KLF15: variants seen among roughly 807,000 people sequenced by gnomAD.
KLF15 encodes KLF transcription factor 15.
Under a neutral mutation model 24.6 loss-of-function variants are expected in KLF15, and 4 were observed. That is an observed-to-expected ratio of 0.16 (90% CI 0.08 to 0.37). KLF15 has a LOEUF of 0.37. Ranked by LOEUF, KLF15 falls within the 10% of genes least tolerant of loss-of-function variation. The probability of loss-of-function intolerance (pLI) is 1.00; values close to 1 mark genes in which losing one functional copy is unlikely to be tolerated. For synonymous variants in KLF15, 246 were observed against 236.3 expected, an observed-to-expected ratio of 1.04 and a Z score of -0.37; for missense variants, 496 against 560.6, an observed-to-expected ratio of 0.88 and a Z score of 1.16.
chr3:126,294,816 C>T, the KLF15 span, among the ~76,000 whole-genome samples: 1 of 151,880 alleles, frequency 6.6e-6, no homozygotes, highest in African/African-American at 2.4e-5. Context: ...CTGTCAGAGC[C>T]TCTCTACTTC....
chr3:126,323,308 T>C, the KLF15 span, among the ~76,000 whole-genome samples: 3 of 146,242 alleles, frequency 2.1e-5, no homozygotes, highest in Admixed American at 2.1e-4. Context: ...TTTTTCTTAG[T>C]AAATTGAAGG....
the KLF15 span, among the ~76,000 whole-genome samples, chr3:126,331,489 C>A: frequency 5.9e-5 from 9 of 152,330 alleles, no homozygotes; most frequent in Middle Eastern, 3.4e-3. Flanking sequence ...GCAACTTCAA[C>A]TGAGCCCTGC....
intron 2 of KLF15, among the ~76,000 whole-genome samples, chr3:126,345,550 TACTC>T (rs1204797003): frequency 1.5e-4 from 17 of 116,464 alleles, no homozygotes; most frequent in East Asian, 6.4e-4. Context: ...TGCCCACACA[TACTC>T]ACACACACAC....
chr3:126,337,741 C>T (rs2082449159), downstream of KLF15, among the ~76,000 whole-genome samples: 1 of 152,144 alleles, frequency 6.6e-6, no homozygotes, highest in South Asian at 2.1e-4. Context: ...AGATGCTATT[C>T]TAAGTGTGTT....
downstream of KLF15, chr3:126,342,620 A>C (rs958992460): frequency 6.6e-6 from 1 of 152,638 alleles, no homozygotes; most frequent in Non-Finnish European, 1.5e-5. Context: ...AAAACAGCAC[A>C]TGAATGCCAA....
intron 2 of KLF15, among the ~76,000 whole-genome samples, chr3:126,346,977 G>C (rs1172400889): frequency 6.6e-6 from 1 of 152,194 alleles, no homozygotes; most frequent in Non-Finnish European, 1.5e-5. Context: ...TAACGGTTTA[G>C]AGCCCTGCTT....
chr3:126,322,981 T>C, the KLF15 span, among the ~76,000 whole-genome samples: 94,920 of 150,926 alleles, frequency 0.63, 29,991 homozygotes, highest in South Asian at 0.72. Context: ...AGCCTGCTGT[T>C]AAAAATTCAT....
At chr3:126,308,824 G>C in the KLF15 span, among the ~76,000 whole-genome samples, 2 of 152,208 alleles carry the variant, frequency 1.3e-5, no homozygotes, top group African/African-American at 2.4e-5. Flanking sequence ...ATGCTGAGAA[G>C]TGTGCAGACA....
the KLF15 span, among the ~76,000 whole-genome samples, chr3:126,333,942 A>T: frequency 2.0e-5 from 3 of 150,944 alleles, no homozygotes; most frequent in Non-Finnish European, 3.0e-5. Flanking sequence ...GTGACCTACA[A>T]AGAGACTTAG....
chr3:126,342,597 C>T (rs1411107824), downstream of KLF15: 1 of 152,536 alleles, frequency 6.6e-6, no homozygotes, highest in South Asian at 2.1e-4. Flanking sequence ...CCTCCACATC[C>T]CGGCAAAGCA....
intron 2 of KLF15, among the ~76,000 whole-genome samples, chr3:126,346,743 C>A (rs2082538493): frequency 6.6e-6 from 1 of 152,196 alleles, no homozygotes; most frequent in South Asian, 2.1e-4. Flanking sequence ...CTGCATGCCA[C>A]ATTCTCCCAA....
Position 126,352,704 on chromosome 3 carries a change from C to T in KLF15, c.219G>A (p.Gln73=). 3 of 1,585,118 alleles carry T rather than the reference C, an allele frequency of 1.9e-6. No homozygotes were observed. Among genetic ancestry groups the T allele is most frequent in the Non-Finnish European group, 2.6e-6 (3 of 1,165,892 alleles). Reference sequence around the variant, plus strand: ...ACAATAGGAAGTCCAAGATGCTGTCCTGGCTCTCGGTGCCCAGGCCTCCAC... The same window carrying T: ...ACAATAGGAAGTCCAAGATGCTGTCTTGGCTCTCGGTGCCCAGGCCTCCAC... ...CYGGGLGTES[Q]DSILDFLLSQ... Residue 73 remains glutamine (Q), a synonymous_variant, in exon 2 of 3, where the codon CAG becomes CAA. Coordinates refer to ENST00000296233, the MANE Select transcript of KLF15 (RefSeq NM_014079.4).
chr3:126,323,865 C>T, the KLF15 span, among the ~76,000 whole-genome samples: 1 of 151,868 alleles, frequency 6.6e-6, no homozygotes, highest in Admixed American at 6.6e-5. Context: ...ATGATGGCTT[C>T]CAGCTTCTCC....
chr3:126,348,936 C>A (rs193198511), intron 2 of KLF15, among the ~76,000 whole-genome samples: 39 of 152,270 alleles, frequency 2.6e-4, no homozygotes, highest in Non-Finnish European at 4.4e-4. Flanking sequence ...GATTCCAGCT[C>A]TGAGAAACTT....
the KLF15 span, among the ~76,000 whole-genome samples, chr3:126,300,001 G>A: frequency 5.9e-5 from 9 of 152,254 alleles, no homozygotes; most frequent in African/African-American, 9.6e-5. Flanking sequence ...TGGGGTGTAC[G>A]TGCCCCCACG....
the KLF15 span, chr3:126,288,549 A>T: frequency 6.6e-6 from 1 of 152,392 alleles, no homozygotes; most frequent in Non-Finnish European, 1.5e-5. Context: ...GAAAGGAGCC[A>T]CGCCCAACGC....
intron 2 of KLF15, among the ~76,000 whole-genome samples, chr3:126,347,805 G>C (rs896053659): frequency 6.6e-6 from 1 of 152,192 alleles, no homozygotes; most frequent in Non-Finnish European, 1.5e-5. Flanking sequence ...GGAAGTGGAG[G>C]CTGAGTACCT....
the KLF15 span, among the ~76,000 whole-genome samples, chr3:126,323,159 C>A: frequency 1.3e-5 from 2 of 149,184 alleles, no homozygotes; most frequent in East Asian, 2.0e-4. Context: ...TAAAGAATAC[C>A]CATACACCCT....
downstream of KLF15, among the ~76,000 whole-genome samples, chr3:126,340,431 G>T (rs1402481128): frequency 2.0e-5 from 3 of 152,272 alleles, no homozygotes; most frequent in Admixed American, 1.3e-4. Context: ...GAGCGAAGGA[G>T]GCTGGGTGCC....
Sources: allele counts gnomAD v4.1 joint callset (sites outside exome capture counted in the v4.1 genomes callset), GRCh38; gene constraint gnomAD v4.1.1; transcripts MANE v1.5; gene names NCBI Gene and HGNC (gene_info 2026-07-23, HGNC 2026-07-21).